The following RBFOX1 variants were observed in gnomAD, a reference collection of about 807,000 sequenced individuals.
The protein encoded by RBFOX1 is RNA binding fox-1 homolog 1.
A neutral mutation model predicts 57.7 loss-of-function variants in RBFOX1; 8 were observed. The observed-to-expected ratio is 0.14, with a 90% CI of 0.08 to 0.25. The LOEUF is 0.25. RBFOX1 is among the 10% of genes least tolerant of loss of function. RBFOX1 has a pLI of 1.00. For missense variants in RBFOX1, 611 were observed against 548.5 expected, an observed-to-expected ratio of 1.11 and a Z score of -1.14; for synonymous variants, 326 against 222.4, an observed-to-expected ratio of 1.47 and a Z score of -4.15.
chr16:5,878,214 G>C (rs907843721), intron 4 of RBFOX1, among the ~76,000 whole-genome samples: 2 of 152,186 alleles, frequency 1.3e-5, no homozygotes, highest in Non-Finnish European at 2.9e-5. Context: ...TCTTCATTGT[G>C]GGGATGATAA....
intron 1 of RBFOX1, among the ~76,000 whole-genome samples, chr16:5,253,788 G>A (rs1356955617): frequency 6.6e-6 from 1 of 152,164 alleles, no homozygotes; most frequent in Non-Finnish European, 1.5e-5. Context: ...CACTTCCTTT[G>A]CTCTTTTCCT....
intron 1 of RBFOX1, chr16:6,039,070 T>C (rs2095407637): frequency 7.1e-6 from 1 of 141,706 alleles, no homozygotes; most frequent in African/African-American, 2.7e-5. Context: ...CCGCAGAAAG[T>C]TTCCACTCCC....
At chr16:6,759,149 C>CTTT (rs55903030) in intron 3 of RBFOX1, among the ~76,000 whole-genome samples, 2,194 of 147,234 alleles carry the variant, frequency 0.015, 26 homozygotes, top group Non-Finnish European at 0.024. Context: ...CTTATCAATT[C>CTTT]TTTTTTTTTT....
At chr16:5,680,430 T>G (rs2050297268) in intron 3 of RBFOX1, among the ~76,000 whole-genome samples, 2 of 152,058 alleles carry the variant, frequency 1.3e-5, no homozygotes, top group Admixed American at 6.6e-5. Flanking sequence ...CATATCTGAG[T>G]AAGGGACTCC....
At chr16:6,950,988 C>T (rs547546078) in intron 3 of RBFOX1, among the ~76,000 whole-genome samples, 1 of 152,068 alleles carries the variant, frequency 6.6e-6, no homozygotes, top group East Asian at 1.9e-4. Context: ...TCATTGCAGC[C>T]TCAAACTTCT....
chr16:6,001,822 C>A (rs1167690110), intron 4 of RBFOX1, among the ~76,000 whole-genome samples: 1 of 152,096 alleles, frequency 6.6e-6, no homozygotes, highest in Non-Finnish European at 1.5e-5. Flanking sequence ...GGAAACACTG[C>A]AATAAGCCAA....
chr16:7,190,821 G>A (rs1359710257), intron 4 of RBFOX1, among the ~76,000 whole-genome samples: 2 of 152,124 alleles, frequency 1.3e-5, no homozygotes, highest in African/African-American at 4.8e-5. Flanking sequence ...TAACAGTTAC[G>A]TTGAGCTTAT....
chr16:6,536,805 G>A (rs897960420), intron 2 of RBFOX1, among the ~76,000 whole-genome samples: 1 of 152,104 alleles, frequency 6.6e-6, no homozygotes, highest in Admixed American at 6.6e-5. Flanking sequence ...ATCTGTCATG[G>A]CCAAGTTCAG....
chr16:6,288,407 C>G (rs969465190), intron 1 of RBFOX1, among the ~76,000 whole-genome samples: 2 of 152,128 alleles, frequency 1.3e-5, no homozygotes, highest in Non-Finnish European at 2.9e-5. Context: ...TGCTGAACTG[C>G]AAGTGATGGG....
intron 4 of RBFOX1, among the ~76,000 whole-genome samples, chr16:7,350,615 C>T (rs372602778): frequency 1.3e-5 from 2 of 152,160 alleles, no homozygotes; most frequent in African/African-American, 4.8e-5. Flanking sequence ...ACAGACAGGA[C>T]AGCTAGTATG....
intron 1 of RBFOX1, among the ~76,000 whole-genome samples, chr16:5,302,526 A>G (rs1172066935): frequency 6.6e-6 from 1 of 152,226 alleles, no homozygotes; most frequent in Non-Finnish European, 1.5e-5. Context: ...GTTACTCAGA[A>G]TGGAGTGTTA....
At chr16:6,698,651 C>T (rs1241401182) in intron 3 of RBFOX1, among the ~76,000 whole-genome samples, 1 of 152,170 alleles carries the variant, frequency 6.6e-6, no homozygotes, top group Admixed American at 6.5e-5. Flanking sequence ...CGTGGTGGGA[C>T]CACCCCTTTT....
At position 7,711,430 on chromosome 16, in the gene RBFOX1, C is replaced by G. The variant is rs998934168; in HGVS notation, c.*685C>G. ...CATTCCACCCGGCAGTATTCAGCTT[C>G]TTAACCAGTCGCTATTTAGGAAAAA... On this transcript the variant is annotated 3_prime_UTR_variant, in exon 16 of 16. Transcript: ENST00000550418. 6 of 152,468 alleles carry G rather than the reference C, an allele frequency of 3.9e-5. No individual in the cohort carries two copies. The highest frequency in any genetic ancestry group is 3.9e-4 in the Admixed American group (6 of 15,272). The allele number at this position is 152,468 out of a possible 1,614,324, so 9.4% of individuals were successfully genotyped here.
chr16:6,496,019 GAC>G (rs2095758707), intron 2 of RBFOX1, among the ~76,000 whole-genome samples: 1 of 152,158 alleles, frequency 6.6e-6, no homozygotes, highest in Non-Finnish European at 1.5e-5. Flanking sequence ...CTGTTGCAGT[GAC>G]AGGACAAAAT....
chr16:7,681,210 A>C (rs924246134), intron 14 of RBFOX1, among the ~76,000 whole-genome samples: 2 of 152,166 alleles, frequency 1.3e-5, no homozygotes, highest in Admixed American at 6.5e-5. Flanking sequence ...CCATGCTTAC[A>C]CATACATAGA....
chr16:6,383,629 C>T (rs1344811742), intron 2 of RBFOX1, among the ~76,000 whole-genome samples: 3 of 151,894 alleles, frequency 2.0e-5, no homozygotes, highest in Non-Finnish European at 2.9e-5. Flanking sequence ...AAAAATTAGC[C>T]GCGTATGGTG....
intron 2 of RBFOX1, among the ~76,000 whole-genome samples, chr16:6,514,932 A>C (rs893442488): frequency 6.6e-6 from 1 of 152,120 alleles, no homozygotes; most frequent in African/African-American, 2.4e-5. Flanking sequence ...GAATGAGGAC[A>C]TGAAGGAGGA....
chr16:6,629,523 C>T (rs59149058), intron 2 of RBFOX1, among the ~76,000 whole-genome samples: 1,993 of 152,250 alleles, frequency 0.013, 57 homozygotes, highest in African/African-American at 0.045. Context: ...ATACTTTCAT[C>T]TTTTGACCCT....
chr16:6,210,377 A>AAAAAAAAAAAAAAAAAAG (rs1555552426), intron 1 of RBFOX1, among the ~76,000 whole-genome samples: 1 of 128,438 alleles, frequency 7.8e-6, no homozygotes, highest in African/African-American at 2.6e-5. Flanking sequence ...AAAAAAAAAA[A>AAAAAAAAAAAAAAAAAAG]AGAGAAAGGA....
Sources: gnomAD v4.1 joint callset for allele counts (sites outside exome capture counted in the v4.1 genomes callset) on GRCh38, gnomAD v4.1.1 for gene constraint, MANE v1.5 for transcripts, NCBI Gene and HGNC (gene_info 2026-07-23, HGNC 2026-07-21) for gene names.